The following NBPF8 variants were observed in gnomAD, a reference collection of about 807,000 sequenced individuals.
The protein encoded by NBPF8 is NBPF family member NBPF8.
At chr1:120,464,595 T>C (rs1451840935) in intron 23 of NBPF8, 47 bp downstream of exon 21, 6 of 791,910 alleles carry the variant, frequency 7.6e-6, no homozygotes, top group African/African-American at 3.5e-5. Context: ...GAGTCTTCCA[T>C]ATAAAGATCA....
chr1:120,450,705 TG>T (rs1460102791), intron 11 of NBPF8, among the ~76,000 whole-genome samples: 1 of 152,202 alleles, frequency 6.6e-6, no homozygotes, highest in Non-Finnish European at 1.5e-5. Flanking sequence ...ACTGAAGATA[TG>T]ATTTAAAAAT....
chr1:120,457,748 T>C (rs1185520465), intron 16 of NBPF8, among the ~76,000 whole-genome samples: 1 of 68,060 alleles, frequency 1.5e-5, no homozygotes, highest in Non-Finnish European at 2.6e-5. Context: ...TATATATATA[T>C]ATATACATAC....
intron 21 of NBPF8, 68 bp downstream of exon 19, chr1:120,463,034 C>A: frequency 3.2e-6 from 2 of 617,276 alleles, no homozygotes; most frequent in Non-Finnish European, 5.7e-6. Flanking sequence ...TATTCCTGTT[C>A]CAAGTGGCCC....
chr1:120,429,541 C>G (rs1373259941), intron 3 of NBPF8, among the ~76,000 whole-genome samples: 6 of 152,086 alleles, frequency 3.9e-5, no homozygotes, highest in African/African-American at 1.4e-4. Flanking sequence ...AGAGACATGG[C>G]GGGAGGGATT....
chr1:120,446,200 T>C (rs1661156732), intron 8 of NBPF8, among the ~76,000 whole-genome samples: 1 of 150,540 alleles, frequency 6.6e-6, no homozygotes, highest in African/African-American at 2.4e-5. Context: ...AGAACAGAGA[T>C]GGGAAACCCA....
exon 25 of NBPF8, chr1:120,466,539 G>T: frequency 2.9e-6 from 1 of 340,104 alleles, no homozygotes; most frequent in Non-Finnish European, 5.6e-6. Flanking sequence ...GCATGTCTCT[G>T]AGCTTCTATA....
At chr1:120,422,757 T>A (rs1660610513) in intron 1 of NBPF8, among the ~76,000 whole-genome samples, 2 of 123,190 alleles carry the variant, frequency 1.6e-5, no homozygotes, top group Non-Finnish European at 3.3e-5. Flanking sequence ...TGATTTCCAC[T>A]AGCTATGGAG....
chr1:120,454,014 T>G, exon 15 of NBPF8: 2 of 1,612,540 alleles, frequency 1.2e-6, no homozygotes, highest in Admixed American at 3.3e-5. Context: ...ACCAGCCACA[T>G]AGGAAAACCA....
chr1:120,465,740 T>C (rs1446295656), intron 24 of NBPF8, among the ~76,000 whole-genome samples: 1 of 151,386 alleles, frequency 6.6e-6, no homozygotes, highest in African/African-American at 2.4e-5. Flanking sequence ...AACTGGCCAA[T>C]TCACTAGGTC....
chr1:120,425,225 T>C (rs1327154042), intron 1 of NBPF8, among the ~76,000 whole-genome samples: 158 of 151,550 alleles, frequency 1.0e-3, no homozygotes, highest in African/African-American at 3.7e-3. Flanking sequence ...CTCTTTGCAG[T>C]TGAGATAAGA....
rs1399892883 is a variant in NBPF8, at chr1:120,466,238, C to T, written n.3829C>T. On this transcript the variant is annotated non_coding_transcript_exon_variant, in exon 25 of 25. Transcript: ENST00000583271. ...CCACAATAAGCAGCCCTTACTAAGC[C>T]GAGAGGTGTCATTCCTGCAGGCAGG... 219 of 1,606,790 alleles carry T rather than the reference C, an allele frequency of 1.4e-4. 1 individual carries two copies. Among genetic ancestry groups the T allele is most frequent in the Admixed American group, 3.7e-4 (22 of 59,896 alleles).
intron 17 of NBPF8, 142 bp from the exon 16 acceptor site, chr1:120,460,431 C>T (rs1661547825): frequency 5.3e-6 from 4 of 759,514 alleles, no homozygotes; most frequent in South Asian, 2.7e-5. Flanking sequence ...TGACCTCAGG[C>T]CTACTGGAAT....
Position 120,425,601 on chromosome 1 carries a change from G to T in NBPF8, n.270-146G>T, listed in dbSNP as rs1368232330. On this transcript the variant is annotated intron_variant and non_coding_transcript_variant, in intron 1 of 28. Transcript: ENST00000652355. The stretch of plus-strand genomic sequence containing the variant: ...AGCATGGGTCCTCCGTATGCTGAAC[G>T]CCGGTCCCCTGGGCCCATTTTTCTT... Among the ~76,000 whole-genome samples, 286 of 152,206 alleles carry T rather than the reference G, an allele frequency of 1.9e-3. 2 individuals carry two copies. The highest frequency in any genetic ancestry group is 6.7e-3 in the African/African-American group (280 of 41,528).
At chr1:120,430,490 C>A (rs1458898017) in intron 3 of NBPF8, among the ~76,000 whole-genome samples, 1 of 112,398 alleles carries the variant, frequency 8.9e-6, no homozygotes, top group East Asian at 2.0e-4. Context: ...CACCGTGGCT[C>A]ACACCTGTAA....
At chr1:120,425,181 T>A (rs1332821022) in intron 1 of NBPF8, among the ~76,000 whole-genome samples, 1 of 151,882 alleles carries the variant, frequency 6.6e-6, no homozygotes, top group African/African-American at 2.4e-5. Context: ...AAAGGGTCTG[T>A]GCTGAGGAGG....
intron 15 of NBPF8, 111 bp downstream of exon 13, chr1:120,454,225 T>G: frequency 6.6e-7 from 1 of 1,512,968 alleles, no homozygotes; most frequent in Non-Finnish European, 9.1e-7. Flanking sequence ...TGTGATGGGT[T>G]TCTAAACAGA....
chr1:120,421,323 C>A (rs1660568947), intron 1 of NBPF8, among the ~76,000 whole-genome samples: 1 of 152,130 alleles, frequency 6.6e-6, no homozygotes, highest in Non-Finnish European at 1.5e-5. Context: ...CCTGGATGTT[C>A]TCATCTTCAT....
At chr1:120,467,622 G>C (rs1661772620) in exon 25 of NBPF8, 2 of 139,442 alleles carry the variant, frequency 1.4e-5, no homozygotes, top group Non-Finnish European at 3.1e-5. Flanking sequence ...AATTTTTACT[G>C]TGCCTTTGTT....
intron 19 of NBPF8, 86 bp from the exon 18 acceptor site, chr1:120,462,060 G>A: frequency 3.5e-6 from 1 of 287,878 alleles, no homozygotes; most frequent in Non-Finnish European, 6.1e-6. Flanking sequence ...GGAGCCTGAA[G>A]TCCCTGTGTG....
Sources: allele counts gnomAD v4.1 joint callset (sites outside exome capture counted in the v4.1 genomes callset), GRCh38; gene constraint gnomAD v4.1.1; transcripts MANE v1.5; gene names NCBI Gene and HGNC (gene_info 2026-07-23, HGNC 2026-07-21).